The following SLC13A3 variants were observed in gnomAD, a reference collection of about 807,000 sequenced individuals.
SLC13A3 encodes solute carrier family 13 member 3.
Under a neutral mutation model 59.0 loss-of-function variants are expected in SLC13A3, and 40 were observed. That is an observed-to-expected ratio of 0.68 (90% confidence interval 0.53 to 0.88). The LOEUF (loss-of-function observed/expected upper bound fraction) is 0.88, where lower values mean the gene tolerates loss of function less well. Ranked by LOEUF, SLC13A3 falls within the 40% of genes least tolerant of loss-of-function variation. SLC13A3 has a pLI of 0.00. For missense variants in SLC13A3, 699 were observed against 783.2 expected (o/e 0.89, Z 1.28); for synonymous variants, 317 against 330.3 (o/e 0.96, Z 0.44).
chr20:46,650,903 A>T (rs1190140675), intron 1 of SLC13A3, among the ~76,000 whole-genome samples: 6 of 151,480 alleles, frequency 4.0e-5, no homozygotes, highest in African/African-American at 1.2e-4. Context: ...TATCTCTATT[A>T]AAAAAAAATT....
At chr20:46,632,911 A>AGC (rs1253627891) in intron 1 of SLC13A3, among the ~76,000 whole-genome samples, 701 of 55,466 alleles carry the variant, frequency 0.013, 24 homozygotes, top group Middle Eastern at 0.02. Context: ...ATAGATAGAT[A>AGC]TATCTATCTA....
At position 46,581,799 on chromosome 20, in the gene SLC13A3, TA is replaced by T. The variant is rs1457530630; in HGVS notation, c.1219+1772del. Among the ~76,000 whole-genome samples, 3 of 152,242 alleles carry T rather than the reference TA, an allele frequency of 2.0e-5. No homozygotes were observed. In the East Asian group the frequency reaches 5.8e-4, roughly 29 times the overall value. On this transcript the variant is annotated intron_variant, in intron 9 of 12. Transcript: ENST00000279027. Reference sequence around the variant, plus strand: ...GAAACTATAAAGGTGCAAAACCTAATAAGCAGCAGAAACCAGGAAAAGGTTA... The same window carrying T: ...GAAACTATAAAGGTGCAAAACCTAATAGCAGCAGAAACCAGGAAAAGGTTA...
intron 1 of SLC13A3, among the ~76,000 whole-genome samples, chr20:46,617,820 T>A (rs1472193156): frequency 1.3e-5 from 2 of 152,198 alleles, no homozygotes; most frequent in Non-Finnish European, 2.9e-5. Context: ...CCACCCATGC[T>A]TGGTATCCTG....
chr20:46,639,460 G>GA (rs1231697595), intron 1 of SLC13A3, among the ~76,000 whole-genome samples: 1 of 151,840 alleles, frequency 6.6e-6, no homozygotes, highest in African/African-American at 2.4e-5. Context: ...CTCTGTCTCA[G>GA]AAAAAAACCA....
At chr20:46,627,753 T>A (rs2062690557) in intron 1 of SLC13A3, among the ~76,000 whole-genome samples, 4 of 152,152 alleles carry the variant, frequency 2.6e-5, no homozygotes. Context: ...ACATATTGTA[T>A]ATGTGCCCAC....
intron 2 of SLC13A3, among the ~76,000 whole-genome samples, chr20:46,612,014 G>A (rs1483755028): frequency 6.6e-6 from 1 of 151,544 alleles, no homozygotes; most frequent in African/African-American, 2.4e-5. Context: ...TGAGGTGTAT[G>A]AGCAGTGCCT....
At chr20:46,568,860 A>G (rs2062005302) in intron 10 of SLC13A3, among the ~76,000 whole-genome samples, 1 of 152,272 alleles carries the variant, frequency 6.6e-6, no homozygotes, top group Admixed American at 6.5e-5. Context: ...CCTCGCAGCC[A>G]CACAGGCCTT....
At chr20:46,628,129 G>C (rs534385213) in intron 1 of SLC13A3, among the ~76,000 whole-genome samples, 1 of 152,158 alleles carries the variant, frequency 6.6e-6, no homozygotes, top group Non-Finnish European at 1.5e-5. Context: ...GGCTTCCCTC[G>C]GATCTTCAAG....
chr20:46,677,065 C>A (rs932876814), intron 1 of SLC13A3, among the ~76,000 whole-genome samples: 1 of 152,162 alleles, frequency 6.6e-6, no homozygotes, highest in African/African-American at 2.4e-5. Context: ...AGGCGCCCAC[C>A]ATCATGCCTG....
chr20:46,667,836 C>T (rs2063069806), intron 1 of SLC13A3, among the ~76,000 whole-genome samples: 1 of 152,216 alleles, frequency 6.6e-6, no homozygotes, highest in South Asian at 2.1e-4. Context: ...ACAGCATGTG[C>T]TCACTTCATG....
intron 8 of SLC13A3, chr20:46,585,652 C>T (rs1381991421): frequency 9.1e-5 from 116 of 1,279,992 alleles, no homozygotes; most frequent in Non-Finnish European, 1.2e-4. Flanking sequence ...GTTTAAAAGT[C>T]AGGAAAGATG....
chr20:46,609,196 C>A, intron 3 of SLC13A3: 1 of 1,343,052 alleles, frequency 7.4e-7, no homozygotes, highest in Non-Finnish European at 9.9e-7. Context: ...GATGTGGCAG[C>A]CACTTTGCAA....
intron 1 of SLC13A3, among the ~76,000 whole-genome samples, chr20:46,632,395 C>T (rs138542015): frequency 1.5e-3 from 230 of 151,786 alleles, no homozygotes; most frequent in African/African-American, 5.4e-3. Context: ...TCATGGATAA[C>T]ATGGGAATGA....
chr20:46,677,097 A>G (rs1052785156), intron 1 of SLC13A3, among the ~76,000 whole-genome samples: 1 of 152,164 alleles, frequency 6.6e-6, no homozygotes, highest in Non-Finnish European at 1.5e-5. Context: ...TGTTTTTAGT[A>G]GAGACAGGGT....
chr20:46,672,624 G>C (rs192350681), upstream of SLC13A3, among the ~76,000 whole-genome samples: 209 of 152,312 alleles, frequency 1.4e-3, no homozygotes, highest in African/African-American at 4.4e-3. Context: ...GATGAACCTA[G>C]GTGAGCTTCT....
At chr20:46,671,728 A>G (rs2063093263), upstream of SLC13A3, among the ~76,000 whole-genome samples, 1 of 152,198 alleles carries the variant, frequency 6.6e-6, no homozygotes, top group Non-Finnish European at 1.5e-5. Context: ...TGGAGAGCCC[A>G]GAGCAAAGCT....
chr20:46,569,385 A>C (rs988756424), intron 10 of SLC13A3, among the ~76,000 whole-genome samples: 1 of 152,152 alleles, frequency 6.6e-6, no homozygotes, highest in African/African-American at 2.4e-5. Flanking sequence ...AGCAACAGCC[A>C]AGGTCAGAGG....
At chr20:46,670,776 T>A (rs1436389682), upstream of SLC13A3, among the ~76,000 whole-genome samples, 1 of 152,064 alleles carries the variant, frequency 6.6e-6, no homozygotes, top group Non-Finnish European at 1.5e-5. Context: ...AACAAAATAA[T>A]GTTGTTGCAA....
intron 9 of SLC13A3, among the ~76,000 whole-genome samples, chr20:46,580,941 T>A (rs1293250246): frequency 2.0e-5 from 3 of 152,192 alleles, no homozygotes; most frequent in Non-Finnish European, 4.4e-5. Flanking sequence ...ATCCTAGAAA[T>A]TTCTGCATAA....
Sources: allele counts gnomAD v4.1 joint callset (sites outside exome capture counted in the v4.1 genomes callset), GRCh38; gene constraint gnomAD v4.1.1; transcripts MANE v1.5; gene names NCBI Gene and HGNC (gene_info 2026-07-23, HGNC 2026-07-21).